Variants in DLGAP1 observed in about 807,000 individuals in gnomAD.
DLGAP1 encodes disks large-associated protein 1.
Under a neutral mutation model 90.8 loss-of-function variants are expected in DLGAP1, and 11 were observed. The ratio of observed to expected loss-of-function variants is 0.12; its 90% CI spans 0.08 to 0.20. The LOEUF (loss-of-function observed/expected upper bound fraction) is 0.20. Ranked by LOEUF, DLGAP1 falls within the 10% of genes least tolerant of loss-of-function variation. The pLI, the probability that DLGAP1 is intolerant of heterozygous loss-of-function variation, is 1.00. For missense variants in DLGAP1, 1,050 were observed against 1,333.8 expected, an observed-to-expected ratio of 0.79 and a Z score of 3.31; for synonymous variants, 558 against 540.7, an observed-to-expected ratio of 1.03 and a Z score of -0.44.
At chr18:4,265,388 C>T (rs1335843253) in intron 1 of DLGAP1, among the ~76,000 whole-genome samples, 1 of 151,898 alleles carries the variant, frequency 6.6e-6, no homozygotes, top group Non-Finnish European at 1.5e-5. Context: ...CCATGATGGT[C>T]TCAACCTCCT....
intron 9 of DLGAP1, among the ~76,000 whole-genome samples, chr18:3,554,505 G>A (rs1467006158): frequency 1.3e-5 from 2 of 152,172 alleles, no homozygotes; most frequent in Non-Finnish European, 2.9e-5. Context: ...TTAAACTAGT[G>A]ATCTTCAGAC....
chr18:4,058,580 C>A (rs900335133), intron 2 of DLGAP1, among the ~76,000 whole-genome samples: 2 of 152,136 alleles, frequency 1.3e-5, no homozygotes, highest in Admixed American at 6.5e-5. Flanking sequence ...CTTTCTTTAC[C>A]ATTTATGAGC....
intron 1 of DLGAP1, among the ~76,000 whole-genome samples, chr18:4,237,960 T>C (rs1327596908): frequency 6.6e-6 from 1 of 152,184 alleles, no homozygotes; most frequent in African/African-American, 2.4e-5. Context: ...AATCTGTAGA[T>C]GCCATATGCC....
chr18:3,812,587 C>T (rs541731098), intron 5 of DLGAP1, among the ~76,000 whole-genome samples: 35 of 152,156 alleles, frequency 2.3e-4, no homozygotes, highest in African/African-American at 7.0e-4. Context: ...AGAGGAAGGG[C>T]AACTGGAAGC....
chr18:4,309,851 T>G (rs1433899543), intron 1 of DLGAP1, among the ~76,000 whole-genome samples: 1 of 152,198 alleles, frequency 6.6e-6, no homozygotes, highest in Non-Finnish European at 1.5e-5. Flanking sequence ...ACAGGCTTTT[T>G]GAAAATGAAA....
intron 1 of DLGAP1, among the ~76,000 whole-genome samples, chr18:4,228,917 A>T (rs1269325767): frequency 6.6e-6 from 1 of 152,024 alleles, no homozygotes. Flanking sequence ...TTGTTTGCAA[A>T]TTATGTAATC....
At chr18:4,247,472 T>C (rs1267635564) in intron 1 of DLGAP1, among the ~76,000 whole-genome samples, 2 of 152,126 alleles carry the variant, frequency 1.3e-5, no homozygotes, top group Non-Finnish European at 2.9e-5. Context: ...CTGTGAAAAG[T>C]GTCCTTAAAA....
chr18:4,213,577 C>T (rs531594706), intron 1 of DLGAP1, among the ~76,000 whole-genome samples: 1 of 152,252 alleles, frequency 6.6e-6, no homozygotes, highest in African/African-American at 2.4e-5. Flanking sequence ...TGAGATCAAA[C>T]TTGGACATTT....
At chr18:3,674,769 A>G (rs2060237291) in intron 7 of DLGAP1, among the ~76,000 whole-genome samples, 2 of 151,508 alleles carry the variant, frequency 1.3e-5, no homozygotes, top group South Asian at 4.2e-4. Flanking sequence ...CTCCACTATC[A>G]GTACCGAGTC....
intron 1 of DLGAP1, among the ~76,000 whole-genome samples, chr18:4,449,095 C>T (rs1013484143): frequency 3.9e-5 from 6 of 152,036 alleles, no homozygotes; most frequent in African/African-American, 7.2e-5. Flanking sequence ...GTTATAATTA[C>T]GTATCAGACT....
chr18:3,683,200 C>T (rs935014764), intron 7 of DLGAP1, among the ~76,000 whole-genome samples: 1 of 152,080 alleles, frequency 6.6e-6, no homozygotes, highest in Non-Finnish European at 1.5e-5. Flanking sequence ...TGGTATGTTT[C>T]CTACTGAGTG....
intron 7 of DLGAP1, among the ~76,000 whole-genome samples, chr18:3,681,101 G>A (rs539064719): frequency 6.6e-6 from 1 of 152,272 alleles, no homozygotes; most frequent in South Asian, 2.1e-4. Flanking sequence ...CAAAATGGAG[G>A]CTGATGAGAG....
intron 2 of DLGAP1, among the ~76,000 whole-genome samples, chr18:4,007,953 G>A (rs1280388139): frequency 3.3e-5 from 5 of 151,998 alleles, no homozygotes; most frequent in Non-Finnish European, 5.9e-5. Context: ...TTCTGTCAAT[G>A]GCAAGCTAAA....
chr18:4,299,708 A>T (rs555411499), intron 1 of DLGAP1, among the ~76,000 whole-genome samples: 1 of 152,196 alleles, frequency 6.6e-6, no homozygotes, highest in African/African-American at 2.4e-5. Flanking sequence ...CACAAAAAAA[A>T]CAAACAAAAT....
intron 7 of DLGAP1, among the ~76,000 whole-genome samples, chr18:3,701,424 G>C (rs1649185053): frequency 6.6e-6 from 1 of 152,140 alleles, no homozygotes; most frequent in African/African-American, 2.4e-5. Context: ...GGTTGCTGAA[G>C]AATGTTAAAA....
chr18:3,570,943 A>G (rs2054743471), intron 8 of DLGAP1, among the ~76,000 whole-genome samples: 1 of 150,610 alleles, frequency 6.6e-6, no homozygotes, highest in Non-Finnish European at 1.5e-5. Flanking sequence ...AAAAAAAAAA[A>G]GGTAATTTAA....
chr18:3,656,922 A>G (rs1555617692), intron 7 of DLGAP1, among the ~76,000 whole-genome samples: 2 of 151,676 alleles, frequency 1.3e-5, no homozygotes, highest in Non-Finnish European at 2.9e-5. Context: ...AATTTTTTGT[A>G]TTTTTAGTAG....
intron 7 of DLGAP1, among the ~76,000 whole-genome samples, chr18:3,713,305 A>G (rs1568000281): frequency 6.6e-6 from 1 of 152,236 alleles, no homozygotes; most frequent in Non-Finnish European, 1.5e-5. Flanking sequence ...CAAAAGAGAT[A>G]TTAACCCCAC....
In DLGAP1 at chr18:4,326,101, C is replaced by A. The variant is rs1032760650; in HGVS notation, c.-267+128905G>T. On this transcript the variant is annotated intron_variant, in intron 1 of 12. Coordinates refer to ENST00000315677, the MANE Select transcript of DLGAP1 (RefSeq NM_004746.4). ...TCTACATAATGGGAGAAAATATTTG[C>A]AAACTATGGATCCCACGAAGATCTA... Among the ~76,000 whole-genome samples the A allele has an allele frequency of 1.8e-4, 28 of 152,112 alleles. 1 individual carries two copies. Among genetic ancestry groups the A allele is most frequent in the Middle Eastern group, 3.4e-3 (1 of 294 alleles).
Sources: gnomAD v4.1 joint callset for allele counts (sites outside exome capture counted in the v4.1 genomes callset) on GRCh38, gnomAD v4.1.1 for gene constraint, MANE v1.5 for transcripts, NCBI Gene and HGNC (gene_info 2026-07-23, HGNC 2026-07-21) for gene names.